The following BLTP1 variants were observed in gnomAD, a reference collection of about 807,000 sequenced individuals.
BLTP1 encodes fragile site-associated protein.
At chr4:122,190,149 T>C in the BLTP1 span, 2 of 1,587,184 alleles carry the variant, frequency 1.3e-6, no homozygotes, top group Non-Finnish European at 1.7e-6. Context: ...CAGGCTGGAA[T>C]GCAGTGGCGT....
At chr4:122,266,627 G>C in the BLTP1 span, 1 of 192,324 alleles carries the variant, frequency 5.2e-6, no homozygotes. Context: ...AGTAAAGTTA[G>C]AGTCAATTAT....
the BLTP1 span, among the ~76,000 whole-genome samples, chr4:122,268,101 G>A: frequency 1.4e-4 from 21 of 151,596 alleles, no homozygotes; most frequent in Middle Eastern, 3.5e-3. Flanking sequence ...TTTAATAATC[G>A]GTGAAAAAAA....
the BLTP1 span, chr4:122,237,209 G>A: frequency 7.1e-6 from 7 of 985,322 alleles, no homozygotes; most frequent in Admixed American, 6.1e-5. Context: ...GGCTAAAACA[G>A]GGATGGTAGG....
the BLTP1 span, chr4:122,333,575 A>G: frequency 1.3e-6 from 2 of 1,513,462 alleles, no homozygotes; most frequent in South Asian, 2.7e-5. Context: ...GCTTTTAAAC[A>G]AAAAGATAAA....
the BLTP1 span, among the ~76,000 whole-genome samples, chr4:122,308,845 A>T: frequency 6.6e-6 from 1 of 152,070 alleles, no homozygotes. Flanking sequence ...ATCTTTTAGG[A>T]TTCTGTTCGG....
the BLTP1 span, among the ~76,000 whole-genome samples, chr4:122,216,998 G>C: frequency 6.6e-6 from 1 of 152,094 alleles, no homozygotes; most frequent in Non-Finnish European, 1.5e-5. Context: ...AGTTATCCCA[G>C]CACAATTTGC....
At chr4:122,239,709 A>G in the BLTP1 span, 5 of 1,614,156 alleles carry the variant, frequency 3.1e-6, no homozygotes, top group Non-Finnish European at 4.2e-6. Flanking sequence ...CCAGTTTAGT[A>G]GTGATGTCTC....
the BLTP1 span, among the ~76,000 whole-genome samples, chr4:122,360,910 T>C: frequency 1.3e-5 from 2 of 152,088 alleles, no homozygotes; most frequent in African/African-American, 4.8e-5. Context: ...CTATCAAGAG[T>C]ATCTAGTTAA....
chr4:122,297,257 C>A, the BLTP1 span, among the ~76,000 whole-genome samples: 1 of 152,130 alleles, frequency 6.6e-6, no homozygotes, highest in Non-Finnish European at 1.5e-5. Context: ...CATGAACAGA[C>A]ACTTCTCAAA....
the BLTP1 span, chr4:122,161,082 TGAA>T: frequency 1.1e-6 from 1 of 943,710 alleles, no homozygotes; most frequent in Non-Finnish European, 1.3e-6. Flanking sequence ...TACTTGGTGA[TGAA>T]GAGAGTGTAT....
chr4:122,273,620 C>A, the BLTP1 span, among the ~76,000 whole-genome samples: 1 of 151,874 alleles, frequency 6.6e-6, no homozygotes, highest in Non-Finnish European at 1.5e-5. Context: ...TTTAACCTGC[C>A]TGAAGGTTAA....
the BLTP1 span, chr4:122,273,488 TA>T: frequency 0.021 from 15,774 of 746,628 alleles, 1 homozygote; most frequent in Middle Eastern, 0.025. Flanking sequence ...AGTTGATATT[TA>T]AAAAAAAAAA....
the BLTP1 span, chr4:122,202,464 A>G: frequency 2.7e-5 from 8 of 291,058 alleles, no homozygotes; most frequent in African/African-American, 1.8e-4. Context: ...GAGGTAAAAC[A>G]GTATGTCCAG....
At chr4:122,250,225 A>C in the BLTP1 span, 2 of 912,008 alleles carry the variant, frequency 2.2e-6, no homozygotes, top group Non-Finnish European at 3.2e-6. Context: ...ATTCAGTGAT[A>C]CATTACTTTT....
At chr4:122,193,555 C>G in the BLTP1 span, 2 of 506,182 alleles carry the variant, frequency 4.0e-6, no homozygotes, top group Non-Finnish European at 5.1e-6. Context: ...GAACATTTTT[C>G]TACTTCTTGA....
the BLTP1 span, chr4:122,192,294 C>T: frequency 6.2e-7 from 1 of 1,613,670 alleles, no homozygotes; most frequent in South Asian, 1.1e-5. Context: ...TTGCAAATTA[C>T]AAGACTTGCC....
At chr4:122,257,302 A>G in the BLTP1 span, 5 of 1,613,872 alleles carry the variant, frequency 3.1e-6, no homozygotes, top group African/African-American at 1.3e-5. Flanking sequence ...GTTTAGTTGC[A>G]CTGGCAAGGC....
chr4:122,226,215 T>C, the BLTP1 span: 1 of 162,820 alleles, frequency 6.1e-6, no homozygotes, highest in Non-Finnish European at 1.3e-5. Context: ...ATTTGAAGAA[T>C]TATGATATAT....
chr4:122,254,170 G>A, the BLTP1 span: 15 of 1,608,834 alleles, frequency 9.3e-6, no homozygotes, highest in African/African-American at 1.6e-4. Context: ...ATGTTAATAA[G>A]TTTTTGGCAT....
Sources: allele counts gnomAD v4.1 joint callset (sites outside exome capture counted in the v4.1 genomes callset), GRCh38; gene constraint gnomAD v4.1.1; transcripts MANE v1.5; gene names NCBI Gene and HGNC (gene_info 2026-07-23, HGNC 2026-07-21).